The following YAP1 variants were observed in gnomAD, a reference collection of about 807,000 sequenced individuals.
YAP1 encodes Yes1 associated transcriptional regulator.
Under a neutral mutation model 56.9 loss-of-function variants are expected in YAP1, and 5 were observed. That is an observed-to-expected ratio of 0.09 (90% confidence interval 0.05 to 0.18). YAP1 has a LOEUF of 0.18. Among genes scored for constraint, YAP1 ranks in the 10% least tolerant of loss-of-function variants. The probability of loss-of-function intolerance (pLI) is 1.00; values close to 1 mark genes in which losing one functional copy is unlikely to be tolerated. For synonymous variants in YAP1, 265 were observed against 248.1 expected (o/e 1.07, Z -0.64); for missense variants, 539 against 651.8 (o/e 0.83, Z 1.88).
At chr11:102,114,505 T>C in intron 2 of YAP1, 111 bp downstream of exon 2, 3 of 1,305,900 alleles carry the variant, frequency 2.3e-6, no homozygotes, top group South Asian at 3.1e-5. Flanking sequence ...TTTTATTTAA[T>C]ATTTATGTTA....
intron 5 of YAP1, among the ~76,000 whole-genome samples, chr11:102,206,992 G>C (rs1439296580): frequency 6.6e-6 from 1 of 152,104 alleles, no homozygotes; most frequent in Non-Finnish European, 1.5e-5. Flanking sequence ...CTTCCAGAAG[G>C]TACTGTTGGT....
chr11:102,227,303 C>T (rs770418083), intron 7 of YAP1, among the ~76,000 whole-genome samples, 166 bp from the exon 8 acceptor site: 4 of 152,188 alleles, frequency 2.6e-5, no homozygotes, highest in Non-Finnish European at 4.4e-5. Flanking sequence ...ATAGCACAAG[C>T]CCTGTCTATG....
chr11:102,226,323 A>G (rs114848077), intron 7 of YAP1, among the ~76,000 whole-genome samples: 2,069 of 152,328 alleles, frequency 0.014, 42 homozygotes, highest in African/African-American at 0.046. Flanking sequence ...AGTATATAGA[A>G]TGAGGGGAGA....
intron 2 of YAP1, among the ~76,000 whole-genome samples, chr11:102,139,683 G>A (rs1944893426): frequency 6.6e-6 from 1 of 152,108 alleles, no homozygotes; most frequent in Admixed American, 6.6e-5. Flanking sequence ...ATCATAAAAT[G>A]CAGATTTTAT....
chr11:102,128,385 G>C (rs923599735), intron 2 of YAP1, among the ~76,000 whole-genome samples: 1 of 152,224 alleles, frequency 6.6e-6, no homozygotes, highest in Non-Finnish European at 1.5e-5. Flanking sequence ...TTTATCAGGG[G>C]TTTCCGCTTT....
intron 3 of YAP1, among the ~76,000 whole-genome samples, chr11:102,175,807 G>A (rs1281091762): frequency 2.6e-5 from 4 of 152,146 alleles, no homozygotes; most frequent in African/African-American, 9.7e-5. Context: ...CCTTATGACA[G>A]CCACGACATC....
At chr11:102,137,817 A>G (rs1944770902) in intron 2 of YAP1, among the ~76,000 whole-genome samples, 1 of 152,020 alleles carries the variant, frequency 6.6e-6, no homozygotes, top group Admixed American at 6.6e-5. Context: ...AGATCTTCTA[A>G]AAGTGTTTAC....
intron 2 of YAP1, among the ~76,000 whole-genome samples, chr11:102,126,519 C>T (rs1944044122): frequency 6.6e-6 from 1 of 152,190 alleles, no homozygotes; most frequent in South Asian, 2.1e-4. Context: ...TCTCTTGCCC[C>T]CGCCATGTAA....
At chr11:102,181,350 G>A (rs948859298) in intron 3 of YAP1, among the ~76,000 whole-genome samples, 2 of 152,102 alleles carry the variant, frequency 1.3e-5, no homozygotes, top group Non-Finnish European at 2.9e-5. Flanking sequence ...GGAGGCTGAG[G>A]CAGGAGAATG....
intron 6 of YAP1, among the ~76,000 whole-genome samples, chr11:102,211,905 A>G (rs1336430598): frequency 2.0e-5 from 3 of 152,062 alleles, no homozygotes; most frequent in South Asian, 2.1e-4. Context: ...GGGTTTCACC[A>G]TGTTATCCAG....
At chr11:102,151,484 A>G (rs892545934) in intron 2 of YAP1, among the ~76,000 whole-genome samples, 4 of 152,216 alleles carry the variant, frequency 2.6e-5, no homozygotes, top group African/African-American at 9.6e-5. Flanking sequence ...GAACCTTTCC[A>G]TAAACACCCT....
At chr11:102,187,548 TG>T (rs965819241) in intron 4 of YAP1, among the ~76,000 whole-genome samples, 14 of 152,200 alleles carry the variant, frequency 9.2e-5, no homozygotes, top group African/African-American at 3.4e-4. Flanking sequence ...ATGAAATGAA[TG>T]AATTCAGTTT....
intron 3 of YAP1, among the ~76,000 whole-genome samples, chr11:102,177,338 G>C (rs1947320052): frequency 6.6e-6 from 1 of 152,184 alleles, no homozygotes; most frequent in Admixed American, 6.5e-5. Context: ...CCTTAGAGGA[G>C]GTGAGGTAAG....
rs1591208267 is a variant in YAP1, at chr11:102,142,510, A to G, written c.573-19946A>G. Among the ~76,000 whole-genome samples the G allele has an allele frequency of 2.6e-5, 4 of 152,348 alleles. 1 individual carries two copies. Among genetic ancestry groups the G allele is most frequent in the Admixed American group, 2.6e-4 (4 of 15,314 alleles). ...AGGCAGTCACCATTCCTGAGAGCCAAAAAAGGGCCGTCTTCAGCCTTCTGA... is the reference window on the plus strand; with the variant it reads ...AGGCAGTCACCATTCCTGAGAGCCAGAAAAGGGCCGTCTTCAGCCTTCTGA... On this transcript the variant is annotated intron_variant, in intron 2 of 8. Coordinates refer to ENST00000282441, the MANE Select transcript of YAP1 (RefSeq NM_001130145.3).
At chr11:102,156,797 C>G (rs906839437) in intron 2 of YAP1, among the ~76,000 whole-genome samples, 1 of 152,160 alleles carries the variant, frequency 6.6e-6, no homozygotes. Flanking sequence ...CAGGAAGCCT[C>G]CACTTGAGCT....
chr11:102,225,975 T>C (rs1219956766), intron 7 of YAP1, among the ~76,000 whole-genome samples: 1 of 152,128 alleles, frequency 6.6e-6, no homozygotes, highest in African/African-American at 2.4e-5. Flanking sequence ...ACCAGGAAAA[T>C]GGCCCTGTAA....
chr11:102,199,908 A>G (rs1894116), intron 4 of YAP1, among the ~76,000 whole-genome samples: 12,815 of 152,304 alleles, frequency 0.084, 622 homozygotes, highest in South Asian at 0.2. Flanking sequence ...ACAGAGTCAC[A>G]AATTGTCTAG....
chr11:102,111,872 A>T (rs1591089956), intron 1 of YAP1, among the ~76,000 whole-genome samples: 1 of 142,202 alleles, frequency 7.0e-6, no homozygotes, highest in African/African-American at 2.7e-5. Flanking sequence ...CTCGCGGCTC[A>T]GGCGATTTCG....
At chr11:102,191,304 C>A (rs1228151925) in intron 4 of YAP1, among the ~76,000 whole-genome samples, 4 of 152,126 alleles carry the variant, frequency 2.6e-5, no homozygotes, top group Admixed American at 6.5e-5. Context: ...ACATCCCTGG[C>A]CCGCTAAGTG....
Sources: allele counts gnomAD v4.1 joint callset (sites outside exome capture counted in the v4.1 genomes callset), GRCh38; gene constraint gnomAD v4.1.1; transcripts MANE v1.5; gene names NCBI Gene and HGNC (gene_info 2026-07-23, HGNC 2026-07-21).